PLEKHA6: variants seen among roughly 807,000 people sequenced by gnomAD.
The protein encoded by PLEKHA6 is pleckstrin homology domain-containing family A member 6.
A neutral mutation model predicts 116.7 loss-of-function variants in PLEKHA6; 60 were observed. The ratio of observed to expected loss-of-function variants is 0.51; its 90% CI spans 0.42 to 0.64. The LOEUF (loss-of-function observed/expected upper bound fraction) is 0.64. Ranked by LOEUF, PLEKHA6 falls within the 30% of genes least tolerant of loss-of-function variation. The pLI is 0.00. For synonymous variants in PLEKHA6, 489 were observed against 556.1 expected (o/e 0.88, Z 1.70); for missense variants, 1,338 against 1,422.7 (o/e 0.94, Z 0.96).
intron 2 of PLEKHA6, among the ~76,000 whole-genome samples, chr1:204,274,432 G>A (rs546804247): frequency 3.3e-5 from 5 of 152,196 alleles, no homozygotes; most frequent in Admixed American, 6.5e-5. Context: ...TTTTCTCAGC[G>A]CTTCCGTCAA....
intron 17 of PLEKHA6, among the ~76,000 whole-genome samples, chr1:204,236,771 T>C (rs1662111859): frequency 6.6e-6 from 1 of 152,182 alleles, no homozygotes; most frequent in Admixed American, 6.5e-5. Flanking sequence ...ACTTAATTTA[T>C]ACAAGCAGAA....
At chr1:204,274,992 G>A (rs1007276669) in intron 1 of PLEKHA6, 183 bp from the exon 2 acceptor site, 10 of 861,426 alleles carry the variant, frequency 1.2e-5, no homozygotes, top group Middle Eastern at 1.2e-3. Context: ...GGGGCGGGGT[G>A]GGGGAAGGAA....
chr1:204,297,990 A>C, intron 1 of PLEKHA6: 717 of 717,222 alleles, frequency 1.0e-3, no homozygotes, highest in Middle Eastern at 2.2e-3. Flanking sequence ...CACCTTTCTC[A>C]TGGTTCACAA....
chr1:204,239,774 T>G (rs1662546027), intron 17 of PLEKHA6, among the ~76,000 whole-genome samples: 1 of 152,188 alleles, frequency 6.6e-6, no homozygotes, highest in South Asian at 2.1e-4. Flanking sequence ...CAGAAGGCCA[T>G]GTATGTTCTG....
intron 1 of PLEKHA6, among the ~76,000 whole-genome samples, chr1:204,315,239 T>C (rs1401815457): frequency 6.6e-6 from 1 of 152,198 alleles, no homozygotes; most frequent in Non-Finnish European, 1.5e-5. Context: ...TGTTTCATCA[T>C]GTGACTCTCT....
At chr1:204,230,296 G>A in intron 18 of PLEKHA6, 117 bp downstream of exon 18, 1 of 770,084 alleles carries the variant, frequency 1.3e-6, no homozygotes. Flanking sequence ...GCCCAGCTTG[G>A]GTTCTTTCCC....
intron 1 of PLEKHA6, among the ~76,000 whole-genome samples, chr1:204,305,709 A>G (rs1407921003): frequency 6.6e-6 from 1 of 152,226 alleles, no homozygotes; most frequent in Non-Finnish European, 1.5e-5. Flanking sequence ...CCAACTACAT[A>G]AAGATGCTAT....
chr1:204,320,498 G>A, intron 1 of PLEKHA6: 2 of 982,790 alleles, frequency 2.0e-6, no homozygotes, highest in South Asian at 4.7e-5. Flanking sequence ...CTTGGTGCCT[G>A]CATGACTCAG....
intron 17 of PLEKHA6, among the ~76,000 whole-genome samples, chr1:204,234,979 T>A (rs1233045654): frequency 6.6e-5 from 1 of 15,232 alleles, no homozygotes; most frequent in African/African-American, 4.9e-4. Context: ...TATATATATA[T>A]ATATATATAT....
chr1:204,288,487 A>C (rs1669425951), intron 1 of PLEKHA6, among the ~76,000 whole-genome samples: 1 of 152,208 alleles, frequency 6.6e-6, no homozygotes, highest in South Asian at 2.1e-4. Context: ...GGATGAGCCC[A>C]CATTATGAAA....
At chr1:204,351,506 C>T (rs1482990211) in intron 1 of PLEKHA6, among the ~76,000 whole-genome samples, 1 of 152,224 alleles carries the variant, frequency 6.6e-6, no homozygotes, top group African/African-American at 2.4e-5. Context: ...ACATATGCAA[C>T]ATGCGTGTGT....
At chr1:204,224,388 G>A (rs946560773) in intron 21 of PLEKHA6, among the ~76,000 whole-genome samples, 3 of 151,896 alleles carry the variant, frequency 2.0e-5, no homozygotes, top group African/African-American at 7.3e-5. Flanking sequence ...GAGGATGGCA[G>A]AGACAACATC....
At chr1:204,351,730 A>G (rs1369084198) in intron 1 of PLEKHA6, among the ~76,000 whole-genome samples, 1 of 152,216 alleles carries the variant, frequency 6.6e-6, no homozygotes, top group African/African-American at 2.4e-5. Flanking sequence ...CTGCACAGGT[A>G]CTAACCAGCA....
chr1:204,341,923 A>G (rs889242195), intron 1 of PLEKHA6, among the ~76,000 whole-genome samples: 2 of 152,218 alleles, frequency 1.3e-5, no homozygotes, highest in Non-Finnish European at 2.9e-5. Context: ...GCAGTGGCTC[A>G]TGCTTGTAAT....
intron 9 of PLEKHA6, among the ~76,000 whole-genome samples, chr1:204,252,343 T>C (rs1270780734): frequency 2.0e-5 from 3 of 149,010 alleles, no homozygotes; most frequent in Non-Finnish European, 3.0e-5. Context: ...AGGGATGGGA[T>C]GAGGAGGAAG....
rs774111669 is a variant in PLEKHA6 at position 204,247,438 on chromosome 1, T to C, written c.1847A>G (p.Glu616Gly). 1.8e-5 allele frequency: 29 copies of C among 1,612,746 alleles called. No individual in the cohort carries two copies. The highest frequency in any genetic ancestry group is 2.3e-5 in the Non-Finnish European group (27 of 1,178,976). ...GACCTCAGACTCGAGGTGCTCATAC[T>C]CTATGGTGCTGTTTGTCAGGGCCTA... is the stretch of plus-strand genomic sequence containing the variant. ...ATTALTNSTI[E>G]YEHLESEVSA... Residue 616 changes from glutamate to glycine, a missense_variant, in exon 13 of 23, where the codon GAG becomes GGG. Around this residue, in one of 3 missense-constraint regions of PLEKHA6, gnomAD observed 1,136 missense variants for 1,163.6 expected, o/e 0.98. Transcript: ENST00000272203.
intron 1 of PLEKHA6, among the ~76,000 whole-genome samples, chr1:204,295,699 C>A (rs978996170): frequency 1.3e-5 from 2 of 152,100 alleles, no homozygotes; most frequent in African/African-American, 4.8e-5. Context: ...CAAAGGCTGC[C>A]TGCTCATCTG....
intron 13 of PLEKHA6, 151 bp from the exon 14 acceptor site, chr1:204,245,877 CA>C: frequency 5.3e-6 from 3 of 566,986 alleles, no homozygotes; most frequent in Non-Finnish European, 9.5e-6. Context: ...CACACACACA[CA>C]TGCCCCTCCA....
chr1:204,268,451 A>C (rs1571987810), intron 3 of PLEKHA6, 139 bp from the exon 4 acceptor site: 3 of 438,484 alleles, frequency 6.8e-6, no homozygotes, highest in East Asian at 6.9e-5. Context: ...CCCAGGTGTG[A>C]ATCTTGGATC....
Sources: gnomAD v4.1 joint callset for allele counts (sites outside exome capture counted in the v4.1 genomes callset) on GRCh38, gnomAD v4.1.1 for gene constraint, gnomAD v4.1.1 regional missense constraint, MANE v1.5 for transcripts, NCBI Gene and HGNC (gene_info 2026-07-23, HGNC 2026-07-21) for gene names.